Variants in ARMH3 observed in about 807,000 individuals in gnomAD.
ARMH3 encodes armadillo like helical domain containing 3, also known as armadillo-like helical domain-containing protein 3.
A neutral mutation model predicts 99.1 loss-of-function variants in ARMH3; 60 were observed. The observed-to-expected ratio is 0.61, with a 90% CI of 0.49 to 0.75. The LOEUF is 0.75. ARMH3 is among the 30% of genes least tolerant of loss of function. The probability of loss-of-function intolerance (pLI) is 0.00; values close to 1 mark genes in which losing one functional copy is unlikely to be tolerated. For missense variants in ARMH3, 679 were observed against 843.1 expected (o/e 0.81, Z 2.41); for synonymous variants, 285 against 292.8 (o/e 0.97, Z 0.27).
At chr10:101,963,878 CTTTT>C (rs1177050739) in intron 20 of ARMH3, among the ~76,000 whole-genome samples, 3 of 135,680 alleles carry the variant, frequency 2.2e-5, no homozygotes, top group Non-Finnish European at 3.2e-5. Context: ...CTTTTTCTTT[CTTTT>C]TTTTTTTTTT....
At chr10:102,018,604 T>C (rs1366284197) in intron 8 of ARMH3, among the ~76,000 whole-genome samples, 1 of 152,174 alleles carries the variant, frequency 6.6e-6, no homozygotes, top group African/African-American at 2.4e-5. Context: ...CTCACATATT[T>C]CTGGTGATAA....
intron 20 of ARMH3, among the ~76,000 whole-genome samples, chr10:101,960,085 G>A (rs1036120889): frequency 6.6e-6 from 1 of 152,116 alleles, no homozygotes; most frequent in Admixed American, 6.5e-5. Context: ...GGCTGAGGCA[G>A]AAGAATTGCT....
chr10:102,006,715 G>A (rs2066498032), intron 13 of ARMH3, 82 bp from the exon 14 acceptor site: 9 of 1,318,064 alleles, frequency 6.8e-6, no homozygotes, highest in Non-Finnish European at 1.1e-6. Flanking sequence ...AATAAGGACT[G>A]GTATTCTGGA....
chr10:102,032,820 T>C, intron 4 of ARMH3: 2 of 532,876 alleles, frequency 3.8e-6, no homozygotes, highest in Non-Finnish European at 3.2e-6. Flanking sequence ...GATCAAATTA[T>C]ACAAATGGAT....
intron 8 of ARMH3, among the ~76,000 whole-genome samples, chr10:102,022,816 G>A (rs568916295): frequency 2.7e-4 from 41 of 151,130 alleles, no homozygotes; most frequent in African/African-American, 9.2e-4. Flanking sequence ...TCCTGACCTC[G>A]TGATCCACCC....
intron 14 of ARMH3, among the ~76,000 whole-genome samples, chr10:102,005,815 G>A (rs1371666216): frequency 6.6e-6 from 1 of 152,074 alleles, no homozygotes. Context: ...TTTATGAAGG[G>A]GAAATTTTCA....
chr10:101,920,853 GA>G (rs1439425333), intron 23 of ARMH3, among the ~76,000 whole-genome samples: 23 of 152,090 alleles, frequency 1.5e-4, no homozygotes, highest in African/African-American at 3.4e-4. Flanking sequence ...CAACATGGAT[GA>G]ACCCTGAGGA....
intron 19 of ARMH3, among the ~76,000 whole-genome samples, chr10:101,979,818 A>G (rs1184616827): frequency 6.6e-6 from 1 of 152,174 alleles, no homozygotes; most frequent in African/African-American, 2.4e-5. Flanking sequence ...GATACTCTTC[A>G]TTTGAGAGGA....
intron 16 of ARMH3, among the ~76,000 whole-genome samples, chr10:101,994,683 G>A (rs1304237965): frequency 6.6e-6 from 1 of 152,062 alleles, no homozygotes; most frequent in Admixed American, 6.6e-5. Flanking sequence ...TCCCCTCTCT[G>A]GCTTTACTAT....
chr10:101,995,388 T>C, intron 15 of ARMH3, 33 bp from the exon 16 acceptor site: 1 of 1,565,834 alleles, frequency 6.4e-7, no homozygotes, highest in Non-Finnish European at 8.8e-7. Context: ...TCTCTGTAAA[T>C]CATCCAGATT....
intron 13 of ARMH3, among the ~76,000 whole-genome samples, chr10:102,008,832 T>C (rs1405262373): frequency 6.6e-6 from 1 of 152,182 alleles, no homozygotes; most frequent in African/African-American, 2.4e-5. Context: ...CCCAAAGTGC[T>C]GGGATTACAG....
At chr10:102,008,136 A>G (rs2066546991) in intron 13 of ARMH3, among the ~76,000 whole-genome samples, 1 of 152,218 alleles carries the variant, frequency 6.6e-6, no homozygotes, top group African/African-American at 2.4e-5. Flanking sequence ...TGGAGAGCAG[A>G]TAAGAAACGA....
chr10:101,882,156 A>T (rs906651661), intron 24 of ARMH3, among the ~76,000 whole-genome samples: 1 of 152,230 alleles, frequency 6.6e-6, no homozygotes, highest in African/African-American at 2.4e-5. Context: ...AGAATGCAAG[A>T]ATGGGCCAAT....
chr10:101,999,979 A>G (rs2066313336), intron 15 of ARMH3, among the ~76,000 whole-genome samples: 1 of 152,108 alleles, frequency 6.6e-6, no homozygotes, highest in African/African-American at 2.4e-5. Context: ...GCTACTCCAG[A>G]AGCTAAGGCA....
intron 9 of ARMH3, 143 bp downstream of exon 9, chr10:102,013,824 TA>T: frequency 4.3e-6 from 3 of 690,236 alleles, no homozygotes; most frequent in East Asian, 2.7e-5. Flanking sequence ...ACTGACGCAC[TA>T]AAAAGAAATA....
At chr10:102,029,381 T>G in intron 5 of ARMH3, 1 of 1,326,934 alleles carries the variant, frequency 7.5e-7, no homozygotes, top group Non-Finnish European at 1.0e-6. Context: ...TGTATGATCA[T>G]ATGATACGAG....
At chr10:101,863,916 C>G (rs759366413) in intron 24 of ARMH3, among the ~76,000 whole-genome samples, 1 of 151,916 alleles carries the variant, frequency 6.6e-6, no homozygotes, top group African/African-American at 2.4e-5. Context: ...CAAAAATTAG[C>G]TGGGTGTGGT....
At chr10:101,992,076 C>A in intron 17 of ARMH3, 38 bp from the exon 18 acceptor site, 1 of 1,543,104 alleles carries the variant, frequency 6.5e-7, no homozygotes. Flanking sequence ...AATTAGTAGA[C>A]ACCGGCACTG....
intron 15 of ARMH3, among the ~76,000 whole-genome samples, chr10:102,000,220 C>A (rs578216919): frequency 3.3e-5 from 5 of 152,154 alleles, no homozygotes; most frequent in Non-Finnish European, 5.9e-5. Context: ...TTATTTTCAA[C>A]TTCTGTATAC....
Sources: allele counts gnomAD v4.1 joint callset (sites outside exome capture counted in the v4.1 genomes callset), GRCh38; gene constraint gnomAD v4.1.1; transcripts MANE v1.5; gene names NCBI Gene and HGNC (gene_info 2026-07-23, HGNC 2026-07-21).